Variants in PPP1R16B observed in about 807,000 individuals in gnomAD.
PPP1R16B encodes protein phosphatase 1 regulatory subunit 16B.
In PPP1R16B, 14 loss-of-function variants were observed where a neutral mutation model predicts 61.7. That is an observed-to-expected ratio of 0.23 (90% CI 0.15 to 0.35). The LOEUF is 0.35. Ranked by LOEUF, PPP1R16B falls within the 10% of genes least tolerant of loss-of-function variation. The probability of loss-of-function intolerance (pLI) is 1.00; values close to 1 mark genes in which losing one functional copy is unlikely to be tolerated. For missense variants in PPP1R16B, 547 were observed against 752.5 expected, an observed-to-expected ratio of 0.73 and a Z score of 3.19; for synonymous variants, 266 against 305.3, an observed-to-expected ratio of 0.87 and a Z score of 1.34.
intron 4 of PPP1R16B, among the ~76,000 whole-genome samples, chr20:38,896,185 C>CACTTCCCCCCTT (rs2085347170): frequency 1.1e-5 from 1 of 89,084 alleles, no homozygotes; most frequent in Admixed American, 1.1e-4. Flanking sequence ...TTTCTTCCCT[C>CACTTCCCCCCTT]CCTTCCTTCT....
At chr20:38,808,189 A>G (rs972239046) in intron 1 of PPP1R16B, among the ~76,000 whole-genome samples, 2 of 152,188 alleles carry the variant, frequency 1.3e-5, no homozygotes, top group African/African-American at 4.8e-5. Flanking sequence ...AGTAGGCATT[A>G]CTGATTCCCA....
At chr20:38,852,054 A>G (rs1476950074) in intron 2 of PPP1R16B, among the ~76,000 whole-genome samples, 3 of 151,490 alleles carry the variant, frequency 2.0e-5, no homozygotes, top group Non-Finnish European at 4.4e-5. Flanking sequence ...GCGGGGGGGG[A>G]AGGCCTTGTC....
intron 2 of PPP1R16B, among the ~76,000 whole-genome samples, chr20:38,843,252 C>T (rs979778539): frequency 1.3e-5 from 2 of 152,262 alleles, no homozygotes; most frequent in African/African-American, 2.4e-5. Flanking sequence ...TCTGCTTCTG[C>T]GTAGCAGATG....
chr20:38,885,521 G>T (rs2085238329), intron 2 of PPP1R16B, among the ~76,000 whole-genome samples: 1 of 152,174 alleles, frequency 6.6e-6, no homozygotes, highest in African/African-American at 2.4e-5. Context: ...ATCCAGAAAT[G>T]CTGTTCCTAT....
intron 2 of PPP1R16B, among the ~76,000 whole-genome samples, chr20:38,874,460 AGAG>A (rs993866421): frequency 2.9e-4 from 44 of 152,322 alleles, no homozygotes; most frequent in African/African-American, 1.1e-3. Context: ...AGGCTCAGAT[AGAG>A]GAGATGACAC....
At chr20:38,888,216 G>C (rs1282685481) in intron 2 of PPP1R16B, among the ~76,000 whole-genome samples, 1 of 152,226 alleles carries the variant, frequency 6.6e-6, no homozygotes, top group African/African-American at 2.4e-5. Context: ...TTCACAGGGA[G>C]CTAGACTTGG....
intron 2 of PPP1R16B, among the ~76,000 whole-genome samples, chr20:38,861,491 C>T (rs745430185): frequency 3.9e-4 from 59 of 152,118 alleles, no homozygotes; most frequent in Non-Finnish European, 6.2e-4. Flanking sequence ...CTCAGGGTCA[C>T]CATCCAACTT....
intron 4 of PPP1R16B, among the ~76,000 whole-genome samples, chr20:38,898,855 A>T (rs2085369854): frequency 6.6e-6 from 1 of 152,194 alleles, no homozygotes; most frequent in Non-Finnish European, 1.5e-5. Context: ...AATCATTGTG[A>T]TTCTTAAAAG....
rs571597255 is a variant in PPP1R16B at position 38,871,469 on chromosome 20, G to A, written c.251-18126G>A. On this transcript the variant is annotated intron_variant, in intron 2 of 10. Coordinates refer to ENST00000299824, the MANE Select transcript of PPP1R16B (RefSeq NM_015568.4). ...TGCTTTGTGCCAAGCTTCATGGAGG[G>A]ATACAAGAACAGATGTTCAATCAAT... is the stretch of plus-strand genomic sequence containing the variant. Among the ~76,000 whole-genome samples the A allele has an allele frequency of 2.9e-4, 44 of 151,938 alleles. No homozygotes were observed. In the South Asian group the frequency reaches 6.9e-3, roughly 24 times the overall value.
chr20:38,851,855 T>C (rs2084970933), intron 2 of PPP1R16B, among the ~76,000 whole-genome samples: 1 of 152,134 alleles, frequency 6.6e-6, no homozygotes, highest in Admixed American at 6.5e-5. Flanking sequence ...ACTGTATCTC[T>C]ACCAAAAACA....
In PPP1R16B at chr20:38,881,948, C is replaced by G. The variant is rs564812050; in HGVS notation, c.251-7647C>G. Among the ~76,000 whole-genome samples, 3 of 152,324 alleles carry G rather than the reference C, an allele frequency of 2.0e-5. No individual in the cohort carries two copies. The South Asian group carries it at 6.2e-4, about 32-fold the overall frequency. On this transcript the variant is annotated intron_variant, in intron 2 of 10. Transcript: ENST00000299824. ...GGCTGGGCCTGGGTGAAAATCCCAG[C>G]TCTACCATTCCCAGCCAGGTGTCTT...
intron 1 of PPP1R16B, among the ~76,000 whole-genome samples, chr20:38,832,660 T>G (rs2084844861): frequency 6.6e-6 from 1 of 152,166 alleles, no homozygotes; most frequent in African/African-American, 2.4e-5. Context: ...GGCTCACGCC[T>G]GTAATCTGAG....
chr20:38,823,711 G>T (rs2084786938), intron 1 of PPP1R16B, among the ~76,000 whole-genome samples: 1 of 152,112 alleles, frequency 6.6e-6, no homozygotes, highest in Non-Finnish European at 1.5e-5. Flanking sequence ...CCCATAGGGG[G>T]TTGAGCCTAT....
intron 2 of PPP1R16B, among the ~76,000 whole-genome samples, chr20:38,840,433 G>T (rs897268390): frequency 6.6e-6 from 1 of 152,142 alleles, no homozygotes; most frequent in Admixed American, 6.5e-5. Flanking sequence ...CCTTGGACCT[G>T]CCTGAGCCCC....
At chr20:38,842,742 T>A (rs1313288699) in intron 2 of PPP1R16B, among the ~76,000 whole-genome samples, 3 of 148,226 alleles carry the variant, frequency 2.0e-5, no homozygotes, top group Non-Finnish European at 4.5e-5. Flanking sequence ...GCCACCACCA[T>A]CTTAAACCAG....
intron 4 of PPP1R16B, among the ~76,000 whole-genome samples, chr20:38,897,804 G>C (rs1213633403): frequency 6.6e-6 from 1 of 152,218 alleles, no homozygotes; most frequent in Non-Finnish European, 1.5e-5. Flanking sequence ...TAGTAGATGT[G>C]AGGTGGTCTC....
At chr20:38,818,181 G>A (rs981301762) in intron 1 of PPP1R16B, among the ~76,000 whole-genome samples, 3 of 152,236 alleles carry the variant, frequency 2.0e-5, no homozygotes, top group African/African-American at 7.2e-5. Context: ...GACTTTGGGC[G>A]TGTCAAGAGG....
chr20:38,873,583 G>A (rs1292068989), intron 2 of PPP1R16B, among the ~76,000 whole-genome samples: 2 of 152,120 alleles, frequency 1.3e-5, no homozygotes, highest in Non-Finnish European at 1.5e-5. Flanking sequence ...ACTGGGTTAG[G>A]GGATCTGATT....
At chr20:38,897,665 T>A (rs893505135) in intron 4 of PPP1R16B, among the ~76,000 whole-genome samples, 1 of 152,250 alleles carries the variant, frequency 6.6e-6, no homozygotes, top group African/African-American at 2.4e-5. Flanking sequence ...TTAAATTTTT[T>A]AAGGACCTGC....
Sources: allele counts gnomAD v4.1 joint callset (sites outside exome capture counted in the v4.1 genomes callset), GRCh38; gene constraint gnomAD v4.1.1; transcripts MANE v1.5; gene names NCBI Gene and HGNC (gene_info 2026-07-23, HGNC 2026-07-21).